NEXMIF: variants seen among roughly 807,000 people sequenced by gnomAD.
NEXMIF encodes the protein neurite extension and migration factor.
A neutral mutation model predicts 62.1 loss-of-function variants in NEXMIF; 8 were observed. That is an observed-to-expected ratio of 0.13 (90% CI 0.08 to 0.23). NEXMIF has a LOEUF of 0.23. Among genes scored for constraint, NEXMIF ranks in the 10% least tolerant of loss-of-function variants. The pLI, the probability that NEXMIF is intolerant of heterozygous loss-of-function variation, is 1.00. For synonymous variants in NEXMIF, 404 were observed against 416.6 expected (o/e 0.97, Z 0.37); for missense variants, 976 against 1,113.3 (o/e 0.88, Z 1.75).
chrX:74,877,016 G>T (rs778839363), intron 1 of NEXMIF, among the ~76,000 whole-genome samples: 14 of 111,686 alleles, frequency 1.3e-4, no homozygotes, highest in East Asian at 2.8e-4. Flanking sequence ...TGTTATGTGT[G>T]AATTTGATCC....
intron 1 of NEXMIF, among the ~76,000 whole-genome samples, chrX:74,821,006 C>T (rs1460502753): frequency 1.8e-5 from 2 of 110,963 alleles, no homozygotes; most frequent in East Asian, 5.7e-4. Context: ...TACATGTGTC[C>T]CCTCAACCTA....
intron 1 of NEXMIF, among the ~76,000 whole-genome samples, chrX:74,851,255 T>C (rs1014404638): frequency 9.0e-6 from 1 of 111,193 alleles, no homozygotes; most frequent in Non-Finnish European, 1.9e-5. Flanking sequence ...ATACTTGACC[T>C]TCAGTGTTCC....
chrX:74,749,064 C>T (rs2080133942), intron 1 of NEXMIF, among the ~76,000 whole-genome samples: 1 of 111,326 alleles, frequency 9.0e-6, no homozygotes, highest in African/African-American at 3.3e-5. Flanking sequence ...TCTCAAGATG[C>T]TCAGAGTCTA....
intron 1 of NEXMIF, among the ~76,000 whole-genome samples, chrX:74,881,360 A>G (rs1483874346): frequency 1.0e-5 from 1 of 100,145 alleles, no homozygotes; most frequent in Non-Finnish European, 2.0e-5. Flanking sequence ...ACTTAAATGG[A>G]TAAATTCCAA....
intron 1 of NEXMIF, among the ~76,000 whole-genome samples, chrX:74,923,252 G>C (rs1244515681): frequency 9.8e-5 from 11 of 111,901 alleles, no homozygotes; most frequent in Non-Finnish European, 3.8e-5. Context: ...TTTTGACCTA[G>C]TAAGCAAATA....
chrX:74,754,332 G>A (rs1236529798), intron 1 of NEXMIF, among the ~76,000 whole-genome samples: 7 of 97,819 alleles, frequency 7.2e-5, no homozygotes, highest in Admixed American at 4.6e-4. Context: ...TTTGTGAGAC[G>A]GAGTCTCACT....
chrX:74,848,199 T>C (rs1056704814), intron 1 of NEXMIF, among the ~76,000 whole-genome samples: 5 of 112,089 alleles, frequency 4.5e-5, no homozygotes, highest in African/African-American at 1.6e-4. Flanking sequence ...AAATTACTTT[T>C]AGCAAAACTA....
chrX:74,886,862 A>T (rs2080696115), intron 1 of NEXMIF, among the ~76,000 whole-genome samples: 1 of 105,027 alleles, frequency 9.5e-6, no homozygotes, highest in Non-Finnish European at 1.9e-5. Flanking sequence ...AGCCAAAAGA[A>T]CAAAGCTGGA....
At chrX:74,868,431 G>A (rs1482863844) in intron 1 of NEXMIF, among the ~76,000 whole-genome samples, 1 of 111,671 alleles carries the variant, frequency 9.0e-6, no homozygotes, top group Non-Finnish European at 1.9e-5. Flanking sequence ...ATACACCATT[G>A]AATACTATGC....
intron 1 of NEXMIF, among the ~76,000 whole-genome samples, chrX:74,821,615 G>C (rs1310420615): frequency 8.9e-6 from 1 of 112,093 alleles, no homozygotes; most frequent in African/African-American, 3.2e-5. Flanking sequence ...TAATTCATTA[G>C]TTTTCAATCT....
intron 1 of NEXMIF, among the ~76,000 whole-genome samples, chrX:74,879,460 G>T (rs1228348376): frequency 8.9e-6 from 1 of 112,028 alleles, no homozygotes; most frequent in African/African-American, 3.2e-5. Context: ...AGAGAAAAGA[G>T]GTTACTGAGA....
chrX:74,781,082 A>T (rs974380441), intron 1 of NEXMIF, among the ~76,000 whole-genome samples: 44 of 112,439 alleles, frequency 3.9e-4, no homozygotes, highest in African/African-American at 1.4e-3. Flanking sequence ...TCCTTCCATT[A>T]TTCCACACTG....
rs1197874794 is a variant in NEXMIF, at chrX:74,743,833, C to G, written c.724G>C (p.Asp242His). The G allele has an allele frequency of 1.7e-6, 2 of 1,211,610 alleles. No homozygotes were observed. Among genetic ancestry groups the G allele is most frequent in the Non-Finnish European group, 2.2e-6 (2 of 895,512 alleles). ...QKSYYEALLLDKCNTEEALLA... is the reference protein window; with the variant it reads ...QKSYYEALLLHKCNTEEALLA... ...AAAGCTTCTTCTGTATTGCACTTGT[C>G]TAACAGTAATGCCTCATAATAGCTT... Residue 242 changes from aspartate (D) to histidine (H), a missense_variant, in exon 3 of 4, where the codon GAC becomes CAC. Around this residue, in one of 5 missense-constraint regions of NEXMIF, gnomAD observed 45 missense variants for 86.8 expected, o/e 0.52. Transcript: ENST00000055682.
intron 1 of NEXMIF, among the ~76,000 whole-genome samples, chrX:74,796,702 G>A (rs1178927285): frequency 9.0e-6 from 1 of 110,779 alleles, no homozygotes; most frequent in South Asian, 3.7e-4. Context: ...AGGTAGTATC[G>A]GATTAAAGCC....
chrX:74,883,396 G>GA (rs1405594479), intron 1 of NEXMIF, among the ~76,000 whole-genome samples: 18 of 110,658 alleles, frequency 1.6e-4, no homozygotes, highest in African/African-American at 5.3e-4. Context: ...TAAAAACTTT[G>GA]AAAAAAAATT....
In NEXMIF at chrX:74,899,202, C is replaced by T. The variant is rs186715407; in HGVS notation, c.-48+25681G>A. ...GCCCACTCTCACTACTTCTTTTCAA[C>T]ATAGTACTGGAAGTTCTAGCCAGAA... is the stretch of plus-strand genomic sequence containing the variant. On this transcript the variant is annotated intron_variant, in intron 1 of 3. Coordinates refer to ENST00000055682, the MANE Select transcript of NEXMIF (RefSeq NM_001008537.3). Among the ~76,000 whole-genome samples the T allele has an allele frequency of 1.3e-4, 14 of 111,622 alleles. No homozygotes were observed. In the East Asian group the frequency reaches 3.7e-3, roughly 29 times the overall value.
chrX:74,755,895 T>C (rs1320476180), intron 1 of NEXMIF, among the ~76,000 whole-genome samples: 1 of 111,969 alleles, frequency 8.9e-6, no homozygotes, highest in African/African-American at 3.2e-5. Context: ...ATTAAAAATT[T>C]TTTTTTTGAG....
intron 1 of NEXMIF, among the ~76,000 whole-genome samples, chrX:74,888,820 C>T (rs1360941124): frequency 3.6e-5 from 4 of 111,916 alleles, no homozygotes; most frequent in African/African-American, 1.3e-4. Flanking sequence ...ACGAATAGTT[C>T]ATTGTTCCCA....
At chrX:74,857,685 T>C (rs1040168023) in intron 1 of NEXMIF, among the ~76,000 whole-genome samples, 3 of 111,450 alleles carry the variant, frequency 2.7e-5, no homozygotes, top group African/African-American at 9.8e-5. Flanking sequence ...GCCACAGGGG[T>C]GTAGAGAACC....
Sources: gnomAD v4.1 joint callset for allele counts (sites outside exome capture counted in the v4.1 genomes callset) on GRCh38, gnomAD v4.1.1 for gene constraint, gnomAD v4.1.1 regional missense constraint, MANE v1.5 for transcripts, NCBI Gene and HGNC (gene_info 2026-07-23, HGNC 2026-07-21) for gene names.